Variants in TTC23L observed in about 807,000 individuals in gnomAD.
The protein encoded by TTC23L is tetratricopeptide repeat domain 23 like.
In TTC23L, 42 loss-of-function variants were observed where a neutral mutation model predicts 48.1. The ratio of observed to expected loss-of-function variants is 0.87; its 90% CI spans 0.68 to 1.13. TTC23L has a LOEUF of 1.13. Among genes scored for constraint, TTC23L ranks in the 50% most tolerant of loss-of-function variants. The pLI is 0.00. For missense variants in TTC23L, 391 were observed against 421.0 expected (o/e 0.93, Z 0.62); for synonymous variants, 159 against 157.2 (o/e 1.01, Z -0.09).
chr5:34,867,361 C>A, intron 7 of TTC23L: 1 of 406,402 alleles, frequency 2.5e-6, no homozygotes. Flanking sequence ...AAATGTGAGT[C>A]TACTCCAAGG....
chr5:34,850,103 A>T, intron 3 of TTC23L, 82 bp from the exon 4 acceptor site: 3 of 1,466,922 alleles, frequency 2.0e-6, no homozygotes, highest in Non-Finnish European at 2.8e-6. Context: ...AGGTGAATTC[A>T]GTCCTGTGTT....
chr5:34,866,776 A>T, intron 6 of TTC23L, 116 bp from the exon 7 acceptor site: 1 of 914,118 alleles, frequency 1.1e-6, no homozygotes, highest in Non-Finnish European at 1.6e-6. Context: ...TGAGCCAGCT[A>T]CCAAGATGAT....
intron 4 of TTC23L, among the ~76,000 whole-genome samples, chr5:34,857,413 T>A (rs1342749490): frequency 1.3e-5 from 2 of 152,170 alleles, no homozygotes; most frequent in Non-Finnish European, 2.9e-5. Context: ...GAAGCCTAAG[T>A]CATGCTTTCT....
intron 8 of TTC23L, among the ~76,000 whole-genome samples, chr5:34,873,000 T>A (rs1761573892): frequency 6.6e-6 from 1 of 151,864 alleles, no homozygotes; most frequent in African/African-American, 2.4e-5. Flanking sequence ...GAGGCGGAAG[T>A]TGCAATGAGC....
the TTC23L span, chr5:34,921,424 A>T: frequency 1.3e-5 from 2 of 152,250 alleles, no homozygotes; most frequent in Non-Finnish European, 2.9e-5. Flanking sequence ...AGAATCAAAA[A>T]GCTAAAAAGT....
At chr5:34,873,531 G>C (rs1399647487) in intron 8 of TTC23L, among the ~76,000 whole-genome samples, 1 of 152,130 alleles carries the variant, frequency 6.6e-6, no homozygotes, top group African/African-American at 2.4e-5. Context: ...ATTGGAGGCA[G>C]ACTTAATATG....
At chr5:34,866,185 G>A (rs1469162128) in intron 6 of TTC23L, among the ~76,000 whole-genome samples, 1 of 152,120 alleles carries the variant, frequency 6.6e-6, no homozygotes, top group Admixed American at 6.5e-5. Context: ...ATACAGACAG[G>A]TATGAAGAAC....
At chr5:34,922,682 G>C in the TTC23L span, 1 of 1,611,664 alleles carries the variant, frequency 6.2e-7, no homozygotes, top group South Asian at 1.1e-5. Flanking sequence ...TGTTTTTGTT[G>C]TAATTTTTCT....
chr5:34,839,389 T>A (rs1043038803), intron 1 of TTC23L, 130 bp downstream of exon 1: 5 of 153,394 alleles, frequency 3.3e-5, no homozygotes, highest in African/African-American at 1.2e-4. Context: ...TCGCGCGTTC[T>A]CTTAGAGCCT....
Position 34,869,547 on chromosome 5 carries a change from C to T in TTC23L, c.949+534C>T, listed in dbSNP as rs6861763. 6.9e-3 allele frequency: 1,122 copies of T among 163,142 alleles called. 17 individuals carry two copies. Among genetic ancestry groups the T allele is most frequent in the African/African-American group, 0.025 (1,063 of 41,738 alleles). The allele number at this position is 163,142 out of a possible 1,614,324, so 10.1% of individuals were successfully genotyped here. On this transcript the variant is annotated intron_variant, in intron 8 of 10. Coordinates refer to ENST00000505624, the Ensembl canonical transcript of TTC23L. ...AGGTCATCTTTTTGAAAGTGGGTGG[C>T]TTTGGGAGAGACACAAATGAACCAA...
chr5:34,885,315 G>A (rs1268317077), intron 9 of TTC23L, among the ~76,000 whole-genome samples: 1 of 152,154 alleles, frequency 6.6e-6, no homozygotes, highest in African/African-American at 2.4e-5. Context: ...GAACATTACT[G>A]GAACAATTGG....
intron 9 of TTC23L, chr5:34,883,427 T>C (rs1222252857): frequency 1.3e-5 from 2 of 154,328 alleles, no homozygotes; most frequent in Non-Finnish European, 2.9e-5. Flanking sequence ...GATAGTTCCC[T>C]GGGTTCAACT....
At chr5:34,918,284 A>G in the TTC23L span, 1 of 711,432 alleles carries the variant, frequency 1.4e-6, no homozygotes, top group East Asian at 2.9e-5. Context: ...CAGCCTGGGC[A>G]ACAGTGTGAG....
In TTC23L at chr5:34,843,698, G is replaced by T. The variant is rs544326737; in HGVS notation, c.69-1789G>T. 2.0e-4 allele frequency among the ~76,000 whole-genome samples: 30 copies of T among 152,242 alleles called. No individual in the cohort carries two copies. In the South Asian group the frequency reaches 5.8e-3, roughly 29 times the overall value. On this transcript the variant is annotated intron_variant, in intron 2 of 10. Transcript: ENST00000505624. ...TTTTAACTGCCCCTTGCAGAACAGG[G>T]CTAGCTCATAGGCAGCATGCCCAGA...
At chr5:34,900,508 A>G (rs954645648), downstream of TTC23L, among the ~76,000 whole-genome samples, 3 of 152,080 alleles carry the variant, frequency 2.0e-5, no homozygotes, top group African/African-American at 4.8e-5. Context: ...TCAAAAAAAA[A>G]AAAGAAAGAA....
chr5:34,895,376 T>C (rs563162727), intron 9 of TTC23L, among the ~76,000 whole-genome samples: 3 of 152,238 alleles, frequency 2.0e-5, no homozygotes, highest in African/African-American at 4.8e-5. Context: ...CAGTATCTGG[T>C]ATACTGTTAA....
At chr5:34,911,287 A>C in the TTC23L span, among the ~76,000 whole-genome samples, 1 of 152,260 alleles carries the variant, frequency 6.6e-6, no homozygotes. Flanking sequence ...AGTAAGGAGT[A>C]GTACAATGAA....
chr5:34,883,697 C>T (rs1195800913), intron 9 of TTC23L, among the ~76,000 whole-genome samples: 1 of 152,084 alleles, frequency 6.6e-6, no homozygotes, highest in East Asian at 1.9e-4. Context: ...ATTCTAGAAA[C>T]ATATTACCTA....
intron 8 of TTC23L, among the ~76,000 whole-genome samples, chr5:34,876,818 T>C (rs1761866353): frequency 6.9e-6 from 1 of 145,002 alleles, no homozygotes; most frequent in African/African-American, 2.6e-5. Context: ...GAGGGGAACA[T>C]CACACATCAG....
Sources: allele counts gnomAD v4.1 joint callset (sites outside exome capture counted in the v4.1 genomes callset), GRCh38; gene constraint gnomAD v4.1.1; transcripts MANE v1.5; gene names NCBI Gene and HGNC (gene_info 2026-07-23, HGNC 2026-07-21).